FNDC3B: variants seen among roughly 807,000 people sequenced by gnomAD.
The protein encoded by FNDC3B is fibronectin type III domain containing 3B, also known as fibronectin type III domain-containing protein 3B.
FNDC3B carries 12 observed loss-of-function variants against 151.5 expected under a neutral mutation model. The ratio of observed to expected loss-of-function variants is 0.08; its 90% CI spans 0.05 to 0.13. FNDC3B has a LOEUF of 0.13. FNDC3B is among the 10% of genes least tolerant of loss of function. The probability of loss-of-function intolerance (pLI) is 1.00; values close to 1 mark genes in which losing one functional copy is unlikely to be tolerated. For synonymous variants in FNDC3B, 528 were observed against 549.0 expected, an observed-to-expected ratio of 0.96 and a Z score of 0.54; for missense variants, 1,214 against 1,505.3, an observed-to-expected ratio of 0.81 and a Z score of 3.20.
intron 6 of FNDC3B, among the ~76,000 whole-genome samples, chr3:172,255,790 C>T (rs1194746821): frequency 2.0e-5 from 3 of 152,196 alleles, no homozygotes; most frequent in Admixed American, 6.5e-5. Context: ...TACCAGATCT[C>T]ACACATCTCC....
In FNDC3B at chr3:172,352,711, T is replaced by G; in HGVS notation, c.2515-92T>G. On this transcript the variant is annotated intron_variant, in intron 21 of 25. Transcript: ENST00000415807. This position sits in a 1 kb window ranked among gnomAD's most constrained non-coding sequence, Gnocchi z 4.2. ...TACCTGCATATGTGGAAATGTGTAC[T>G]ACTTTAGATTTATTTAATGGCAGCT... 8.0e-7 allele frequency: 1 copy of G among 1,257,208 alleles called. No individual in the cohort carries two copies. The highest frequency in any genetic ancestry group is 1.1e-6 in the Non-Finnish European group (1 of 906,422). 77.9% of individuals were successfully genotyped at this position (1,257,208 alleles called of 1,614,324 possible). A position where few individuals can be genotyped will look rare whatever the true frequency, so the allele number is the denominator to read the frequency against.
intron 8 of FNDC3B, among the ~76,000 whole-genome samples, chr3:172,298,344 G>A (rs1313233212): frequency 6.6e-6 from 1 of 152,126 alleles, no homozygotes; most frequent in Non-Finnish European, 1.5e-5. Flanking sequence ...AGATAATTGA[G>A]GTTCCTGCCA....
At chr3:172,322,509 A>C (rs1732139007) in intron 11 of FNDC3B, among the ~76,000 whole-genome samples, 1 of 152,202 alleles carries the variant, frequency 6.6e-6, no homozygotes, top group Non-Finnish European at 1.5e-5. Flanking sequence ...GAATCACAGA[A>C]TTTTTAGACA....
chr3:172,264,109 T>A (rs762510039), intron 6 of FNDC3B, among the ~76,000 whole-genome samples: 1 of 152,120 alleles, frequency 6.6e-6, no homozygotes, highest in Non-Finnish European at 1.5e-5. Flanking sequence ...GTCTCAGACT[T>A]CTGAGCAGCT....
chr3:172,055,813 T>C (rs1390228584), intron 1 of FNDC3B, among the ~76,000 whole-genome samples: 4 of 151,840 alleles, frequency 2.6e-5, no homozygotes, highest in African/African-American at 4.8e-5. Context: ...CGGAGTCTTG[T>C]TCTGTCGCCC....
rs1716582938 is a variant in FNDC3B, at chr3:172,050,401, T to TTA, written c.-29+10630_-29+10631insTA. Among the ~76,000 whole-genome samples, 5 of 151,880 alleles carry TTA rather than the reference T, an allele frequency of 3.3e-5. No individual in the cohort carries two copies. In the South Asian group the frequency reaches 1.0e-3, roughly 32 times the overall value. ...GTGGGTATATTTTCTTTTTTTTTTTTAAGATGGTGTCTCACTCTGTCACCC... is the reference window on the plus strand; with the variant it reads ...GTGGGTATATTTTCTTTTTTTTTTTTTAAAGATGGTGTCTCACTCTGTCACCC... On this transcript the variant is annotated intron_variant, in intron 1 of 25. Transcript: ENST00000415807.
chr3:172,210,794 C>CT (rs1192440393), intron 3 of FNDC3B, among the ~76,000 whole-genome samples: 2 of 152,292 alleles, frequency 1.3e-5, no homozygotes, highest in Middle Eastern at 3.4e-3. Context: ...AGCAAATATT[C>CT]TTTTTTCTGG....
rs138770312 is a variant in FNDC3B at position 172,314,012 on chromosome 3, G to A, written c.1254+3131G>A. 3.6e-4 allele frequency among the ~76,000 whole-genome samples: 55 copies of A among 152,320 alleles called. 1 individual carries two copies. The East Asian group carries it at 9.2e-3, about 26-fold the overall frequency. Reference sequence around the variant, plus strand: ...GCTTCAAGAAGGAAACAGGAGAACGGCATCTGGTCTGTAGGAAGTGTGAAC... The same window carrying A: ...GCTTCAAGAAGGAAACAGGAGAACGACATCTGGTCTGTAGGAAGTGTGAAC... On this transcript the variant is annotated intron_variant, in intron 11 of 25. Coordinates refer to ENST00000415807, the MANE Select transcript of FNDC3B (RefSeq NM_022763.4).
intron 11 of FNDC3B, among the ~76,000 whole-genome samples, chr3:172,317,483 C>T (rs761035814): frequency 1.2e-4 from 18 of 152,090 alleles, no homozygotes; most frequent in Non-Finnish European, 2.1e-4. Flanking sequence ...CACGCCCGGC[C>T]GGGGATTAAT....
At chr3:172,159,709 G>A (rs987435452) in intron 3 of FNDC3B, among the ~76,000 whole-genome samples, 2 of 152,182 alleles carry the variant, frequency 1.3e-5, no homozygotes, top group African/African-American at 4.8e-5. Context: ...GTTTGTTTGG[G>A]TTTGTCAGTA....
At chr3:172,373,004 T>C (rs1447359477) in intron 23 of FNDC3B, among the ~76,000 whole-genome samples, 1 of 152,106 alleles carries the variant, frequency 6.6e-6, no homozygotes, top group African/African-American at 2.4e-5. Flanking sequence ...GTCCCTGTGC[T>C]CCACTTCCTC....
At chr3:172,151,137 C>T (rs949474574) in intron 3 of FNDC3B, among the ~76,000 whole-genome samples, 9 of 152,082 alleles carry the variant, frequency 5.9e-5, no homozygotes, top group African/African-American at 1.7e-4. Context: ...TCTCATTATG[C>T]GGAAAGCCTT....
rs60894339 is a variant in FNDC3B, at chr3:172,189,799, T to TAA, written c.188-37040_188-37039dup. Among the ~76,000 whole-genome samples, 148 of 84,304 alleles carry TAA rather than the reference T, an allele frequency of 1.8e-3. 2 individuals are homozygous for TAA. Among genetic ancestry groups the TAA allele is most frequent in the Admixed American group, 3.1e-3 (21 of 6,716 alleles). 55.3% of individuals were successfully genotyped at this position (84,304 alleles called of 152,430 possible). A position where few individuals can be genotyped will look rare whatever the true frequency, so the allele number is the denominator to read the frequency against. On this transcript the variant is annotated intron_variant, in intron 3 of 25. Coordinates refer to ENST00000415807, the MANE Select transcript of FNDC3B (RefSeq NM_022763.4). ...CTGGGTGACAGAGTGAGACCTTGTC[T>TAA]AAAAAAAAAAAAAAAAAAAAAAAAA...
At chr3:172,217,464 C>T (rs954382274) in intron 3 of FNDC3B, among the ~76,000 whole-genome samples, 10 of 152,188 alleles carry the variant, frequency 6.6e-5, no homozygotes, top group Admixed American at 5.2e-4. Context: ...TCCAGAGTTC[C>T]TTGCCTCTAA....
intron 3 of FNDC3B, among the ~76,000 whole-genome samples, chr3:172,133,880 T>C (rs1382149273): frequency 6.6e-6 from 1 of 152,160 alleles, no homozygotes; most frequent in Non-Finnish European, 1.5e-5. Flanking sequence ...AGTGGGCCTC[T>C]CCATGGAGAA....
At chr3:172,242,491 C>T (rs912870140) in intron 4 of FNDC3B, among the ~76,000 whole-genome samples, 26 of 152,358 alleles carry the variant, frequency 1.7e-4, no homozygotes, top group African/African-American at 4.6e-4. Flanking sequence ...GACTTCTGTG[C>T]ACCCGCAGGC....
At chr3:172,120,609 C>G (rs978816642) in intron 2 of FNDC3B, among the ~76,000 whole-genome samples, 1 of 151,366 alleles carries the variant, frequency 6.6e-6, no homozygotes. Context: ...GTTTTTTTAC[C>G]TTTAGTTTAA....
At chr3:172,348,639 T>C (rs1318040990) in intron 21 of FNDC3B, among the ~76,000 whole-genome samples, 1 of 152,260 alleles carries the variant, frequency 6.6e-6, no homozygotes, top group Non-Finnish European at 1.5e-5. Context: ...TAAAATGTTA[T>C]TATATCTCCT....
chr3:172,084,926 A>G (rs1213416406), intron 1 of FNDC3B, among the ~76,000 whole-genome samples: 1 of 152,154 alleles, frequency 6.6e-6, no homozygotes, highest in Non-Finnish European at 1.5e-5. Flanking sequence ...GAGAACAAGA[A>G]TTTTTGCCTT....
Sources: gnomAD v4.1 joint callset for allele counts (sites outside exome capture counted in the v4.1 genomes callset) on GRCh38, gnomAD v4.1.1 for gene constraint, Gnocchi (gnomAD v3.1) non-coding constraint, MANE v1.5 for transcripts, NCBI Gene and HGNC (gene_info 2026-07-23, HGNC 2026-07-21) for gene names.